The following SORBS2 variants were observed in gnomAD, a reference collection of about 807,000 sequenced individuals.
SORBS2 encodes sorbin and SH3 domain-containing protein 2.
SORBS2 carries 46 observed loss-of-function variants against 97.7 expected under a neutral mutation model. That is an observed-to-expected ratio of 0.47 (90% CI 0.37 to 0.60). The LOEUF is 0.60. Ranked by LOEUF, SORBS2 falls within the 20% of genes least tolerant of loss-of-function variation. SORBS2 has a pLI of 0.00. For synonymous variants in SORBS2, 476 were observed against 473.4 expected (o/e 1.01, Z -0.07); for missense variants, 1,316 against 1,282.3 (o/e 1.03, Z -0.40).
At chr4:185,612,562 T>C (rs1296218923) in intron 11 of SORBS2, among the ~76,000 whole-genome samples, 1 of 151,086 alleles carries the variant, frequency 6.6e-6, no homozygotes. Flanking sequence ...TGATCATGGC[T>C]CACTGCAACC....
exon 10 of SORBS2, chr4:185,615,074 C>T (rs776724973): frequency 6.2e-7 from 1 of 1,613,798 alleles, no homozygotes; most frequent in African/African-American, 1.3e-5. Flanking sequence ...AAGATGCCCA[C>T]TCTCCCGTGG....
chr4:185,692,064 C>T (rs2098108765), intron 2 of SORBS2, among the ~76,000 whole-genome samples: 1 of 152,172 alleles, frequency 6.6e-6, no homozygotes, highest in African/African-American at 2.4e-5. Flanking sequence ...TGACTTAGTT[C>T]TTTCTCTGGC....
At chr4:185,840,316 G>T (rs1412914519) in intron 1 of SORBS2, among the ~76,000 whole-genome samples, 1 of 152,138 alleles carries the variant, frequency 6.6e-6, no homozygotes, top group Non-Finnish European at 1.5e-5. Flanking sequence ...CTGCTTGTTT[G>T]CAGACCAAAA....
intron 2 of SORBS2, among the ~76,000 whole-genome samples, chr4:185,762,675 G>A (rs1007933371): frequency 2.6e-5 from 4 of 152,082 alleles, no homozygotes; most frequent in Non-Finnish European, 5.9e-5. Context: ...TTCCAATACC[G>A]CTTTATGTTA....
chr4:185,942,403 T>C (rs898283211), intron 1 of SORBS2, among the ~76,000 whole-genome samples: 24 of 151,538 alleles, frequency 1.6e-4, no homozygotes, highest in African/African-American at 5.8e-4. Flanking sequence ...CAGTCTGGAG[T>C]GCAGTGGTGT....
intron 4 of SORBS2, among the ~76,000 whole-genome samples, chr4:185,662,574 T>G (rs1335414249): frequency 6.6e-6 from 1 of 152,230 alleles, no homozygotes; most frequent in Non-Finnish European, 1.5e-5. Flanking sequence ...AGGACGACTT[T>G]GCTCTGACAG....
chr4:185,592,066 G>A (rs1392218990), intron 13 of SORBS2: 1 of 152,272 alleles, frequency 6.6e-6, no homozygotes, highest in East Asian at 1.9e-4. Flanking sequence ...TGTGAAAGAT[G>A]TGTTGGTGAG....
At chr4:185,843,251 G>A (rs1449336633) in intron 1 of SORBS2, among the ~76,000 whole-genome samples, 1 of 152,204 alleles carries the variant, frequency 6.6e-6, no homozygotes, top group Non-Finnish European at 1.5e-5. Context: ...GTTTCACTAA[G>A]AGAAAGCAAA....
intron 1 of SORBS2, among the ~76,000 whole-genome samples, chr4:185,892,685 G>A (rs2099243088): frequency 2.0e-5 from 3 of 152,214 alleles, no homozygotes; most frequent in Admixed American, 1.3e-4. Context: ...GAAAAATCCT[G>A]TATGATTCCA....
In SORBS2 at chr4:185,603,090, C is replaced by T. The variant is rs147921003; in HGVS notation, c.2796+8690G>A. Among the ~76,000 whole-genome samples the T allele has an allele frequency of 3.6e-3, 543 of 152,256 alleles. 2 individuals carry two copies. Among genetic ancestry groups the T allele is most frequent in the Admixed American group, 5.9e-3 (90 of 15,292 alleles). On this transcript the variant is annotated intron_variant, in intron 12 of 14. Coordinates refer to ENST00000418609, the Ensembl canonical transcript of SORBS2. Reference sequence around the variant, plus strand: ...AAACAACGGAAACTTAAAGAATATACGAGAAGAATTTTGTTCTTGCAGAAG... The same window carrying T: ...AAACAACGGAAACTTAAAGAATATATGAGAAGAATTTTGTTCTTGCAGAAG...
chr4:185,889,106 T>C (rs2099241185), intron 1 of SORBS2, among the ~76,000 whole-genome samples: 2 of 152,198 alleles, frequency 1.3e-5, no homozygotes, highest in South Asian at 4.1e-4. Flanking sequence ...GTTTTACTTT[T>C]ATCTTAGAGG....
At chr4:185,599,468 C>T (rs774157045) in intron 12 of SORBS2, among the ~76,000 whole-genome samples, 22 of 152,258 alleles carry the variant, frequency 1.4e-4, no homozygotes, top group Middle Eastern at 3.4e-3. Context: ...AGAATCCAGA[C>T]AGCAGTATGG....
intron 14 of SORBS2, among the ~76,000 whole-genome samples, chr4:185,588,988 T>C (rs776783396): frequency 3.3e-5 from 5 of 152,160 alleles, no homozygotes; most frequent in Non-Finnish European, 2.9e-5. Flanking sequence ...TTCATGATTT[T>C]GCCACCGATG....
At chr4:185,782,137 A>AT (rs1362085231) in intron 1 of SORBS2, among the ~76,000 whole-genome samples, 1 of 152,234 alleles carries the variant, frequency 6.6e-6, no homozygotes, top group Non-Finnish European at 1.5e-5. Context: ...ACAAGAGTAC[A>AT]TTTTTTGGTT....
chr4:185,783,586 C>T (rs577509787), intron 1 of SORBS2, among the ~76,000 whole-genome samples: 166 of 152,110 alleles, frequency 1.1e-3, no homozygotes, highest in African/African-American at 3.6e-3. Flanking sequence ...GGGAGAGACA[C>T]GTTAAGAGAT....
At chr4:185,888,364 G>A (rs1418506401) in intron 1 of SORBS2, among the ~76,000 whole-genome samples, 5 of 152,170 alleles carry the variant, frequency 3.3e-5, no homozygotes, top group Admixed American at 2.6e-4. Flanking sequence ...AGAAGGCAAT[G>A]TGGAGATGGA....
chr4:185,687,010 T>G (rs2097976815), intron 2 of SORBS2, among the ~76,000 whole-genome samples: 1 of 152,202 alleles, frequency 6.6e-6, no homozygotes, highest in Non-Finnish European at 1.5e-5. Flanking sequence ...TGATACTTGC[T>G]ATGATAAAAA....
intron 2 of SORBS2, among the ~76,000 whole-genome samples, chr4:185,687,765 T>C (rs1470620738): frequency 1.3e-5 from 2 of 152,210 alleles, no homozygotes; most frequent in Non-Finnish European, 2.9e-5. Context: ...AATAAAGGGC[T>C]GAATTCTAAA....
chr4:185,645,505 G>T (rs1298615987), intron 4 of SORBS2: 2 of 152,122 alleles, frequency 1.3e-5, no homozygotes, highest in Non-Finnish European at 2.9e-5. Flanking sequence ...TGAATTATCT[G>T]ATGATAAGGT....
Sources: allele counts gnomAD v4.1 joint callset (sites outside exome capture counted in the v4.1 genomes callset), GRCh38; gene constraint gnomAD v4.1.1; transcripts MANE v1.5; gene names NCBI Gene and HGNC (gene_info 2026-07-23, HGNC 2026-07-21).